Variants in DGKB observed in about 807,000 individuals in gnomAD.
DGKB encodes 90 kDa diacylglycerol kinase.
Under a neutral mutation model 114.3 loss-of-function variants are expected in DGKB, and 67 were observed. That is an observed-to-expected ratio of 0.59 (90% confidence interval 0.48 to 0.72). The LOEUF is 0.72. Ranked by LOEUF, DGKB falls within the 30% of genes least tolerant of loss-of-function variation. The probability of loss-of-function intolerance (pLI) is 0.00; values close to 1 mark genes in which losing one functional copy is unlikely to be tolerated. For missense variants in DGKB, 907 were observed against 975.2 expected (o/e 0.93, Z 0.93); for synonymous variants, 398 against 323.1 (o/e 1.23, Z -2.49).
intron 2 of DGKB, among the ~76,000 whole-genome samples, chr7:14,786,442 C>T (rs1586500135): frequency 6.6e-6 from 1 of 152,164 alleles, no homozygotes; most frequent in South Asian, 2.1e-4. Flanking sequence ...CAGCTGTGGC[C>T]CATCTGGAGT....
At chr7:14,589,211 A>G (rs1279013217) in intron 17 of DGKB, among the ~76,000 whole-genome samples, 7 of 152,122 alleles carry the variant, frequency 4.6e-5, no homozygotes, top group African/African-American at 1.7e-4. Context: ...TGGCATATAT[A>G]AACATATTTG....
intron 21 of DGKB, among the ~76,000 whole-genome samples, chr7:14,468,471 T>G (rs1439349828): frequency 1.3e-5 from 2 of 152,100 alleles, no homozygotes; most frequent in African/African-American, 4.8e-5. Context: ...GATTTAACTG[T>G]TGTCCAAGCT....
At chr7:14,699,202 G>C (rs1394888245) in intron 7 of DGKB, among the ~76,000 whole-genome samples, 2 of 151,936 alleles carry the variant, frequency 1.3e-5, no homozygotes, top group African/African-American at 2.4e-5. Flanking sequence ...AAAGATAAAT[G>C]TATTTATTAC....
At chr7:14,724,803 A>G (rs1293989780) in intron 5 of DGKB, among the ~76,000 whole-genome samples, 1 of 152,228 alleles carries the variant, frequency 6.6e-6, no homozygotes, top group Non-Finnish European at 1.5e-5. Flanking sequence ...AAGACAAATC[A>G]TCTCATTCCA....
intron 1 of DGKB, among the ~76,000 whole-genome samples, chr7:14,860,260 A>G (rs1473626132): frequency 6.6e-6 from 1 of 152,098 alleles, no homozygotes; most frequent in East Asian, 1.9e-4. Flanking sequence ...AAAATATTTT[A>G]GATTTCAAAT....
At chr7:14,176,377 G>A (rs551667298) in intron 25 of DGKB, 1 of 984,802 alleles carries the variant, frequency 1.0e-6, no homozygotes, top group South Asian at 4.7e-5. Flanking sequence ...AGAAACTGGA[G>A]AGAAATTTTT....
At chr7:14,416,167 A>G (rs939864003) in intron 21 of DGKB, among the ~76,000 whole-genome samples, 4 of 152,036 alleles carry the variant, frequency 2.6e-5, no homozygotes, top group African/African-American at 7.2e-5. Flanking sequence ...GATTCTGGAT[A>G]TTAGCCCTTT....
chr7:14,279,208 C>A (rs1253082321), intron 23 of DGKB, among the ~76,000 whole-genome samples: 1 of 149,614 alleles, frequency 6.7e-6, no homozygotes, highest in Non-Finnish European at 1.5e-5. Flanking sequence ...AGATTATATC[C>A]CGCACGTGGC....
At chr7:14,919,993 A>G (rs1235589218) in intron 1 of DGKB, among the ~76,000 whole-genome samples, 1 of 152,180 alleles carries the variant, frequency 6.6e-6, no homozygotes, top group Non-Finnish European at 1.5e-5. Flanking sequence ...CCTCGTTCCT[A>G]TATAAATTAC....
chr7:14,796,169 A>C (rs1841378589), intron 2 of DGKB, among the ~76,000 whole-genome samples: 1 of 152,236 alleles, frequency 6.6e-6, no homozygotes, highest in Non-Finnish European at 1.5e-5. Context: ...AGCAGTTTAC[A>C]AACAGATAAC....
intron 23 of DGKB, among the ~76,000 whole-genome samples, chr7:14,282,444 C>G (rs1166496060): frequency 4.0e-5 from 6 of 149,278 alleles, no homozygotes; most frequent in South Asian, 4.3e-4. Flanking sequence ...CAAGGAGGAA[C>G]TGGTACCATT....
chr7:14,156,065 ACAGT>A (rs1464752628), intron 25 of DGKB, among the ~76,000 whole-genome samples: 1 of 152,138 alleles, frequency 6.6e-6, no homozygotes, highest in Non-Finnish European at 1.5e-5. Flanking sequence ...GAGAATACAA[ACAGT>A]CAGAGAGGTA....
chr7:14,960,696 A>G (rs926954967), intron 1 of DGKB, among the ~76,000 whole-genome samples: 3 of 152,074 alleles, frequency 2.0e-5, no homozygotes, highest in African/African-American at 7.2e-5. Flanking sequence ...CCTAAACTTT[A>G]TTTGCTACCA....
chr7:14,798,151 A>T (rs1484601831), intron 2 of DGKB, among the ~76,000 whole-genome samples: 6 of 152,122 alleles, frequency 3.9e-5, no homozygotes, highest in Non-Finnish European at 8.8e-5. Flanking sequence ...ATCAAGAGAG[A>T]GTGGGTACGA....
chr7:14,758,948 G>C (rs1835305826), intron 2 of DGKB, among the ~76,000 whole-genome samples: 1 of 149,780 alleles, frequency 6.7e-6, no homozygotes, highest in Admixed American at 6.6e-5. Flanking sequence ...TAGATAGATA[G>C]AGTTTCGCTC....
chr7:14,584,387 C>T (rs1411807214), intron 17 of DGKB, among the ~76,000 whole-genome samples: 1 of 152,092 alleles, frequency 6.6e-6, no homozygotes, highest in East Asian at 1.9e-4. Flanking sequence ...TATTCCATTA[C>T]ATCATTATAT....
chr7:14,487,899 G>C (rs1029604208), intron 20 of DGKB, among the ~76,000 whole-genome samples: 1 of 151,932 alleles, frequency 6.6e-6, no homozygotes, highest in African/African-American at 2.4e-5. Context: ...CAGGTGTGAG[G>C]CAATGTGCCT....
At chr7:14,457,470 AT>A (rs1832445917) in intron 21 of DGKB, among the ~76,000 whole-genome samples, 2 of 152,210 alleles carry the variant, frequency 1.3e-5, no homozygotes, top group African/African-American at 4.8e-5. Flanking sequence ...TATTCTTGCT[AT>A]TAATTGCTAT....
chr7:14,622,231 A>T (rs1807796274), intron 14 of DGKB, among the ~76,000 whole-genome samples: 1 of 152,066 alleles, frequency 6.6e-6, no homozygotes, highest in South Asian at 2.1e-4. Context: ...AACTTGCCTC[A>T]CGTGGCTTCC....
Sources: allele counts gnomAD v4.1 joint callset (sites outside exome capture counted in the v4.1 genomes callset), GRCh38; gene constraint gnomAD v4.1.1; transcripts MANE v1.5; gene names NCBI Gene and HGNC (gene_info 2026-07-23, HGNC 2026-07-21).